Variants in MTHFS observed in about 807,000 individuals in gnomAD.
The protein encoded by MTHFS is methenyltetrahydrofolate synthetase.
MTHFS carries 7 observed loss-of-function variants against 12.7 expected under a neutral mutation model. The observed-to-expected ratio is 0.55, with a 90% CI of 0.31 to 1.03. MTHFS has a LOEUF of 1.03. Ranked by LOEUF, MTHFS falls within the 50% of genes least tolerant of loss-of-function variation. The probability of loss-of-function intolerance (pLI) is 0.05; values close to 1 mark genes in which losing one functional copy is unlikely to be tolerated. For missense variants in MTHFS, 252 were observed against 258.1 expected (o/e 0.98, Z 0.16); for synonymous variants, 100 against 97.1 (o/e 1.03, Z -0.18).
intron 2 of MTHFS, among the ~76,000 whole-genome samples, chr15:79,849,122 G>C (rs1057162271): frequency 2.0e-5 from 3 of 152,162 alleles, no homozygotes; most frequent in African/African-American, 7.2e-5. Flanking sequence ...CCCTTCCTAG[G>C]TGGAGGTCCT....
chr15:79,886,495 C>G (rs776068974), intron 2 of MTHFS, among the ~76,000 whole-genome samples: 1 of 151,416 alleles, frequency 6.6e-6, no homozygotes, highest in Admixed American at 6.6e-5. Context: ...AAGAAAAATG[C>G]ATGGGGGAAA....
chr15:79,867,474 C>A (rs1440504996), intron 2 of MTHFS, among the ~76,000 whole-genome samples: 1 of 70,752 alleles, frequency 1.4e-5, no homozygotes, highest in East Asian at 6.1e-4. Context: ...TCACTCATTA[C>A]TAAGTAGATA....
upstream of MTHFS, chr15:79,897,032 C>A: frequency 6.7e-7 from 1 of 1,488,380 alleles, no homozygotes; most frequent in Non-Finnish European, 8.9e-7. Context: ...GCGCCCTGGG[C>A]GCCCTCGGGT....
intron 2 of MTHFS, among the ~76,000 whole-genome samples, chr15:79,886,898 A>T (rs930333273): frequency 6.6e-6 from 1 of 152,216 alleles, no homozygotes; most frequent in Admixed American, 6.5e-5. Context: ...CTTAAAATTA[A>T]TAAATTACCA....
chr15:79,845,467 A>C lies in MTHFS; in HGVS notation c.380-25T>G, dbSNP rs774429182. 6.8e-6 allele frequency: 11 copies of C among 1,607,338 alleles called. 1 individual carries two copies. The South Asian group carries it at 1.2e-4, about 18-fold the overall frequency. ...CCTGCGGAAAAGAGGAACAAATTTA[A>C]GAGGATTAATTGTTTCTGAAAGATC... On this transcript the variant is annotated intron_variant, in intron 2 of 2. Coordinates refer to ENST00000258874, the MANE Select transcript of MTHFS (RefSeq NM_006441.4).
intron 2 of MTHFS, among the ~76,000 whole-genome samples, chr15:79,872,030 A>C (rs368606896): frequency 6.5e-4 from 93 of 142,642 alleles, no homozygotes; most frequent in African/African-American, 2.4e-3. Context: ...GCTTGAACCC[A>C]GGAGGTGGAG....
rs116612548 is a variant in MTHFS, at chr15:79,853,895, T to C, written c.380-8453A>G. Among the ~76,000 whole-genome samples, 807 of 152,368 alleles carry C rather than the reference T, an allele frequency of 5.3e-3. 5 individuals are homozygous for C. The highest frequency in any genetic ancestry group is 0.018 in the African/African-American group (733 of 41,588). On this transcript the variant is annotated intron_variant, in intron 2 of 2. Transcript: ENST00000258874. Reference sequence around the variant, plus strand: ...AAACCAAGAAAAATGAAGTTGCTCTTTTATAATTTCTTTCAGCACATTCAG... The same window carrying C: ...AAACCAAGAAAAATGAAGTTGCTCTCTTATAATTTCTTTCAGCACATTCAG...
chr15:79,855,913 A>T (rs909183849), intron 2 of MTHFS, among the ~76,000 whole-genome samples: 2 of 152,170 alleles, frequency 1.3e-5, no homozygotes, highest in Non-Finnish European at 2.9e-5. Flanking sequence ...TATTCAGTCC[A>T]CTATTGATGG....
intron 2 of MTHFS, among the ~76,000 whole-genome samples, chr15:79,882,904 T>C (rs947332965): frequency 1.6e-4 from 25 of 152,212 alleles, no homozygotes; most frequent in African/African-American, 6.0e-4. Flanking sequence ...AACTCTTTAC[T>C]CACAAATATA....
intron 2 of MTHFS, among the ~76,000 whole-genome samples, chr15:79,856,843 A>G (rs2033814713): frequency 6.6e-6 from 1 of 152,144 alleles, no homozygotes; most frequent in Non-Finnish European, 1.5e-5. Context: ...AGTCCATCCT[A>G]TGCTCACATT....
chr15:79,850,333 A>G (rs2033692167), intron 2 of MTHFS, among the ~76,000 whole-genome samples: 1 of 152,202 alleles, frequency 6.6e-6, no homozygotes, highest in African/African-American at 2.4e-5. Context: ...AGCAGAGCCA[A>G]AAAAAGAGGA....
intron 2 of MTHFS, among the ~76,000 whole-genome samples, chr15:79,879,237 T>C (rs1374507555): frequency 6.6e-6 from 1 of 151,562 alleles, no homozygotes; most frequent in Admixed American, 6.6e-5. Flanking sequence ...AAAGTTAAAA[T>C]CCCTGGAGGG....
intron 2 of MTHFS, among the ~76,000 whole-genome samples, chr15:79,875,216 G>A (rs1257643357): frequency 6.6e-6 from 1 of 151,600 alleles, no homozygotes. Flanking sequence ...ATGTTCTTCT[G>A]CCATGGCTTC....
chr15:79,845,271 G>A lies in MTHFS; in HGVS notation c.551C>T (p.Pro184Leu), dbSNP rs2033589185. The A allele has an allele frequency of 3.7e-6, 6 of 1,614,036 alleles. No homozygotes were observed. The highest frequency in any genetic ancestry group is 5.1e-6 in the Non-Finnish European group (6 of 1,180,036). The change falls in exon 3 of 3, where the codon CCA (proline) becomes CTA (leucine). Residue 184 changes from proline (P) to leucine (L), a missense_variant. By Grantham distance (98) the Pro-to-Leu change is moderately conservative. Transcript: ENST00000258874. ...AFKEQICLQV[P>L]VNENDMKVDE... The stretch of plus-strand genomic sequence containing the variant: ...TACCTTCATGTCGTTTTCATTCACT[G>A]GGACCTGGAGGCAAATCTGTTCTTT...
At chr15:79,861,847 C>T (rs1339927458) in intron 2 of MTHFS, among the ~76,000 whole-genome samples, 5 of 152,020 alleles carry the variant, frequency 3.3e-5, no homozygotes, top group African/African-American at 9.7e-5. Context: ...ATGTGAACTC[C>T]GATCCTATCT....
chr15:79,891,222 C>A (rs760177739), intron 1 of MTHFS, among the ~76,000 whole-genome samples: 4 of 152,108 alleles, frequency 2.6e-5, no homozygotes, highest in African/African-American at 7.2e-5. Flanking sequence ...CTTGAAATCC[C>A]AAAGCAACCA....
intron 1 of MTHFS, among the ~76,000 whole-genome samples, chr15:79,895,372 C>G (rs1355637275): frequency 6.6e-6 from 1 of 152,196 alleles, no homozygotes; most frequent in Non-Finnish European, 1.5e-5. Flanking sequence ...GCTATGTTTC[C>G]ACAACATTGG....
chr15:79,853,723 C>T (rs534001454), intron 2 of MTHFS, among the ~76,000 whole-genome samples: 8 of 152,270 alleles, frequency 5.3e-5, no homozygotes, highest in South Asian at 2.1e-4. Context: ...CAGAGCGGTC[C>T]GTAAGAAACT....
chr15:79,872,058 T>C (rs1596073226), intron 2 of MTHFS, among the ~76,000 whole-genome samples: 1 of 115,592 alleles, frequency 8.7e-6, no homozygotes, highest in South Asian at 2.8e-4. Flanking sequence ...TGAGCTGAGA[T>C]AACACCACTG....
Sources: gnomAD v4.1 joint callset for allele counts (sites outside exome capture counted in the v4.1 genomes callset) on GRCh38, gnomAD v4.1.1 for gene constraint, MANE v1.5 for transcripts, NCBI Gene and HGNC (gene_info 2026-07-23, HGNC 2026-07-21) for gene names.